FADS2: variants seen among roughly 807,000 people sequenced by gnomAD.
FADS2 encodes the protein acyl-CoA 6-desaturase.
Under a neutral mutation model 61.2 loss-of-function variants are expected in FADS2, and 18 were observed. The ratio of observed to expected loss-of-function variants is 0.29; its 90% CI spans 0.20 to 0.44. FADS2 has a LOEUF of 0.44. FADS2 is among the 20% of genes least tolerant of loss of function. The pLI, the probability that FADS2 is intolerant of heterozygous loss-of-function variation, is 1.00. For synonymous variants in FADS2, 203 were observed against 223.9 expected, an observed-to-expected ratio of 0.91 and a Z score of 0.83; for missense variants, 322 against 572.7, an observed-to-expected ratio of 0.56 and a Z score of 4.47.
At chr11:61,857,552 C>T (rs752914849) in intron 7 of FADS2, 22 bp downstream of exon 7, 60 of 1,602,614 alleles carry the variant, frequency 3.7e-5, no homozygotes, top group Non-Finnish European at 5.0e-5. Context: ...ACACAGCTGG[C>T]TTGGCATGGG....
chr11:61,863,168 C>A (rs1049884517), intron 8 of FADS2, 99 bp downstream of exon 8: 2 of 1,429,458 alleles, frequency 1.4e-6, no homozygotes, highest in Non-Finnish European at 2.0e-6. Context: ...TGCCTGGGGA[C>A]CTCCCATCCT....
chr11:61,859,134 C>G (rs927286769), intron 7 of FADS2, among the ~76,000 whole-genome samples: 1 of 151,910 alleles, frequency 6.6e-6, no homozygotes, highest in Admixed American at 6.6e-5. Flanking sequence ...CTCGGCTCAC[C>G]GAAACCTCTG....
rs1565335887 is a variant in FADS2 at position 61,857,195 on chromosome 11, G to A, written c.805+124G>A. On this transcript the variant is annotated intron_variant, in intron 6 of 11. Transcript: ENST00000278840. ...GTGACACTAAACTTGTTAGAAGCGG[G>A]GGCCACAGCAGCCTTGCTGTGCAGA... 6.7e-6 allele frequency: 6 copies of A among 892,558 alleles called. No individual in the cohort carries two copies. In the East Asian group the frequency reaches 1.0e-4, roughly 15 times the overall value. The allele number at this position is 892,558 out of a possible 1,614,324, so 55.3% of individuals were successfully genotyped here. A position where few individuals can be genotyped will look rare whatever the true frequency, so the allele number is the denominator to read the frequency against.
At chr11:61,830,619 G>C (rs1313758646) in intron 1 of FADS2, among the ~76,000 whole-genome samples, 1 of 152,198 alleles carries the variant, frequency 6.6e-6, no homozygotes, top group Non-Finnish European at 1.5e-5. Flanking sequence ...TGGTATCTTG[G>C]ATGTTGGTTG....
chr11:61,828,295 C>G (rs1377169019), upstream of FADS2: 1 of 1,490,356 alleles, frequency 6.7e-7, no homozygotes, highest in Non-Finnish European at 8.9e-7. This position sits in a 1 kb window ranked among gnomAD's most constrained non-coding sequence, Gnocchi z 6.4. Flanking sequence ...GAAGAGGGCC[C>G]GGGCTGCACA....
chr11:61,824,433 AGGGAGGGAGGGAGG>A (rs1565325172), upstream of FADS2, among the ~76,000 whole-genome samples: 53 of 6,198 alleles, frequency 8.6e-3, 8 homozygotes, highest in Middle Eastern at 0.1. Context: ...AGAGAGAGAG[AGGGAGGGAGGGAGG>A]GAGGGAGGGA....
intron 9 of FADS2, 134 bp downstream of exon 9, chr11:61,863,512 G>A: frequency 1.2e-6 from 1 of 811,714 alleles, no homozygotes; most frequent in South Asian, 1.6e-5. Context: ...GGGAGCTTCA[G>A]GGCTGAGCAA....
intron 5 of FADS2, among the ~76,000 whole-genome samples, chr11:61,850,301 A>G (rs189614323): frequency 3.9e-5 from 6 of 152,050 alleles, no homozygotes; most frequent in East Asian, 1.9e-4. Flanking sequence ...CCCAGTCTAG[A>G]GTGCAGTGGC....
intron 1 of FADS2, among the ~76,000 whole-genome samples, chr11:61,834,829 G>C (rs545251919): frequency 3.2e-4 from 49 of 152,206 alleles, no homozygotes; most frequent in African/African-American, 1.0e-3. Context: ...GACTTTGGCA[G>C]CTCCTCCGGG....
At position 61,828,486 on chromosome 11, in the gene FADS2, C is replaced by G; in HGVS notation, c.96C>G (p.Arg32=). ...SWEEIQKHNL[R]TDRWLVIDRK... ...AGGAGATTCAGAAGCATAACCTGCGCACCGACAGGTGGCTGGTCATTGACC... is the reference window on the plus strand; with the variant it reads ...AGGAGATTCAGAAGCATAACCTGCGGACCGACAGGTGGCTGGTCATTGACC... The change falls in exon 1 of 12, where the codon CGC becomes CGG. Residue 32 remains arginine (R), a synonymous_variant. Transcript: ENST00000278840. The surrounding 1 kb of genome is among the most constrained non-coding windows in gnomAD (Gnocchi z 6.4). 6.2e-7 allele frequency: 1 copy of G among 1,612,644 alleles called. No individual in the cohort carries two copies. Among genetic ancestry groups the G allele is most frequent in the Non-Finnish European group, 8.5e-7 (1 of 1,179,674 alleles).
chr11:61,863,454 AAC>A, intron 9 of FADS2, 76 bp downstream of exon 9: 2 of 1,179,922 alleles, frequency 1.7e-6, no homozygotes, highest in Non-Finnish European at 2.5e-6. Flanking sequence ...TGCACCTGCT[AAC>A]ACAGGGCTGT....
chr11:61,818,319 C>T (rs541640332), intron 1 of FADS2, among the ~76,000 whole-genome samples: 53 of 152,300 alleles, frequency 3.5e-4, no homozygotes, highest in Admixed American at 3.9e-4. Flanking sequence ...AGGTAAGATG[C>T]CAGGCTATTG....
rs776246007 is a variant in FADS2, at chr11:61,816,318, T to G, written c.33T>G (p.Cys11Trp). The change falls in exon 1 of 12, where the codon TGT becomes TGG. Residue 11 changes from cysteine (C) to tryptophan (W), a missense_variant. Transcript: ENST00000257261. The surrounding 1 kb of genome is among the most constrained non-coding windows in gnomAD (Gnocchi z 7.0). Reference sequence around the variant, plus strand: ...GCAGGGAGGCGGGACCCTTTGTTTGTGTGTGCGTGTTGTTGGCCTCCATCC... The same window carrying G: ...GCAGGGAGGCGGGACCCTTTGTTTGGGTGTGCGTGTTGTTGGCCTCCATCC... 3.8e-6 allele frequency: 6 copies of G among 1,598,354 alleles called. No homozygotes were observed. In the East Asian group the frequency reaches 1.1e-4, roughly 30 times the overall value.
chr11:61,818,641 TGATA>T (rs1416571885), intron 1 of FADS2, among the ~76,000 whole-genome samples: 2 of 152,256 alleles, frequency 1.3e-5, no homozygotes, highest in Non-Finnish European at 2.9e-5. Context: ...TGAACTATAT[TGATA>T]GATATAGAAT....
chr11:61,818,661 C>G (rs1020297976), intron 1 of FADS2, among the ~76,000 whole-genome samples: 1 of 152,078 alleles, frequency 6.6e-6, no homozygotes, highest in Non-Finnish European at 1.5e-5. Context: ...AGAATCCTTC[C>G]CCGTGAAATA....
chr11:61,856,789 G>T, intron 5 of FADS2: 1 of 573,078 alleles, frequency 1.7e-6, no homozygotes, highest in Non-Finnish European at 3.1e-6. Flanking sequence ...CCAGTGCTCG[G>T]CTAGGGCTGA....
chr11:61,833,961 TG>T (rs1310520051), intron 1 of FADS2, among the ~76,000 whole-genome samples: 1 of 152,202 alleles, frequency 6.6e-6, no homozygotes, highest in African/African-American at 2.4e-5. Flanking sequence ...CCTTCCCAAC[TG>T]GGGTTTATGC....
chr11:61,845,921 G>A (rs180844353), intron 4 of FADS2, among the ~76,000 whole-genome samples: 147 of 152,116 alleles, frequency 9.7e-4, no homozygotes, highest in Non-Finnish European at 1.6e-3. Flanking sequence ...TTGTCAGCCC[G>A]TCTTGCTTTC....
Position 61,865,120 on chromosome 11 carries a change from C to A in FADS2, c.1158-32C>A. On this transcript the variant is annotated intron_variant, in intron 10 of 11. Coordinates refer to ENST00000278840, the MANE Select transcript of FADS2 (RefSeq NM_004265.4). The surrounding 1 kb of genome is among the most constrained non-coding windows in gnomAD (Gnocchi z 4.1). ...CGGGAGCAGCATGGCCCTCTGAGTC[C>A]TCACGCTCTGCCCACCCTACACACT... The A allele has an allele frequency of 6.2e-7, 1 of 1,601,962 alleles. No individual in the cohort carries two copies. Among genetic ancestry groups the A allele is most frequent in the South Asian group, 1.1e-5 (1 of 90,300 alleles).
Sources: gnomAD v4.1 joint callset for allele counts (sites outside exome capture counted in the v4.1 genomes callset) on GRCh38, gnomAD v4.1.1 for gene constraint, Gnocchi (gnomAD v3.1) non-coding constraint, MANE v1.5 for transcripts, NCBI Gene and HGNC (gene_info 2026-07-23, HGNC 2026-07-21) for gene names.